AKR1B15: variants seen among roughly 807,000 people sequenced by gnomAD.
The protein encoded by AKR1B15 is estradiol 17-beta-dehydrogenase AKR1B15.
In AKR1B15, 49 loss-of-function variants were observed where a neutral mutation model predicts 38.5. That is an observed-to-expected ratio of 1.27 (90% CI 1.01 to 1.62). AKR1B15 has a LOEUF of 1.62. Among genes scored for constraint, AKR1B15 ranks in the 40% most tolerant of loss-of-function variants. The probability of loss-of-function intolerance (pLI) is 0.00; values close to 1 mark genes in which losing one functional copy is unlikely to be tolerated. For synonymous variants in AKR1B15, 137 were observed against 135.5 expected (o/e 1.01, Z -0.08); for missense variants, 411 against 381.6 (o/e 1.08, Z -0.64).
chr7:134,563,525 G>A (rs1409978422), intron 2 of AKR1B15, among the ~76,000 whole-genome samples: 1 of 152,168 alleles, frequency 6.6e-6, no homozygotes, highest in Non-Finnish European at 1.5e-5. Flanking sequence ...TCCAGCCTGG[G>A]CATCAGAGCA....
chr7:134,565,383 A>T (rs1224090682), intron 3 of AKR1B15: 1 of 1,589,380 alleles, frequency 6.3e-7, no homozygotes, highest in Non-Finnish European at 8.6e-7. Context: ...TCATTCTTGA[A>T]GCCAGCGAGA....
rs754743243 is a variant in AKR1B15 at position 134,579,566 on chromosome 7, G to T, written c.*17G>T. 2 of 1,585,578 alleles carry T rather than the reference G, an allele frequency of 1.3e-6. No individual in the cohort carries two copies. Among genetic ancestry groups the T allele is most frequent in the East Asian group, 2.2e-5 (1 of 44,532 alleles). On this transcript the variant is annotated 3_prime_UTR_variant, in exon 12 of 12. Transcript: ENST00000457545. ...GAATATTGAGGTTGAATCTCCTGGT[G>T]AGATTACACAGGGGATTCTCTTTCT...
rs1794590587 is a variant in AKR1B15 at position 134,568,382 on chromosome 7, G to T, written c.318+57G>T. On this transcript the variant is annotated intron_variant, in intron 4 of 11. Coordinates refer to ENST00000457545, the MANE Select transcript of AKR1B15 (RefSeq NM_001080538.3). ...ACTTCAAGGCAGGCAGAAGTATCTG[G>T]ATCGGGTGGGCAGCAAGAACTCTGT... The T allele has an allele frequency of 3.1e-6, 5 of 1,597,352 alleles. No homozygotes were observed. The African/African-American group carries it at 5.4e-5, about 17-fold the overall frequency.
chr7:134,577,339 T>C (rs549961670), intron 10 of AKR1B15, among the ~76,000 whole-genome samples: 50 of 152,250 alleles, frequency 3.3e-4, no homozygotes, highest in Non-Finnish European at 5.6e-4. Flanking sequence ...CCCTAGGCCA[T>C]ACACAAGAGC....
intron 1 of AKR1B15, among the ~76,000 whole-genome samples, chr7:134,549,508 A>T (rs1463436931): frequency 1.3e-5 from 2 of 152,164 alleles, no homozygotes; most frequent in African/African-American, 4.8e-5. Flanking sequence ...GTGGAGTTCA[A>T]GGGCTTGCGC....
chr7:134,566,511 T>C (rs1794538793), intron 3 of AKR1B15, among the ~76,000 whole-genome samples: 1 of 152,188 alleles, frequency 6.6e-6, no homozygotes. Flanking sequence ...GAGGACTCAG[T>C]GAGGCAGGTT....
At chr7:134,569,724 T>C in intron 5 of AKR1B15, 195 bp downstream of exon 5, 1 of 550,368 alleles carries the variant, frequency 1.8e-6, no homozygotes, top group Non-Finnish European at 3.2e-6. Context: ...TGAACATAAA[T>C]TGTGAAGATT....
intron 2 of AKR1B15, among the ~76,000 whole-genome samples, chr7:134,563,803 G>A (rs139169860): frequency 1.5e-3 from 227 of 152,152 alleles, no homozygotes; most frequent in African/African-American, 5.3e-3. Context: ...TTCTCCAATG[G>A]GAAAACAGAA....
At chr7:134,559,582 G>C (rs1794321005) in intron 2 of AKR1B15, among the ~76,000 whole-genome samples, 1 of 152,184 alleles carries the variant, frequency 6.6e-6, no homozygotes, top group Non-Finnish European at 1.5e-5. Flanking sequence ...AGAAATGAAT[G>C]TGACAATGAA....
intron 2 of AKR1B15, among the ~76,000 whole-genome samples, chr7:134,564,366 T>G (rs1264531634): frequency 6.6e-6 from 1 of 152,182 alleles, no homozygotes; most frequent in East Asian, 1.9e-4. Flanking sequence ...TGCATCTTTT[T>G]AGGGGAAGAG....
At chr7:134,564,480 A>G (rs1794488326) in intron 2 of AKR1B15, 118 bp from the exon 3 acceptor site, 2 of 489,720 alleles carry the variant, frequency 4.1e-6, no homozygotes, top group South Asian at 6.6e-5. Context: ...TCTTACACCA[A>G]CCTCTGGAGT....
intron 2 of AKR1B15, among the ~76,000 whole-genome samples, chr7:134,561,918 G>T (rs112353354): frequency 6.9e-4 from 105 of 152,276 alleles, no homozygotes; most frequent in African/African-American, 2.5e-3. Context: ...CTCCTCCCTA[G>T]ACTCCATTTC....
intron 2 of AKR1B15, among the ~76,000 whole-genome samples, chr7:134,562,368 A>C (rs1338012933): frequency 6.6e-6 from 1 of 152,066 alleles, no homozygotes; most frequent in Non-Finnish European, 1.5e-5. Flanking sequence ...ACCAGCTTTA[A>C]TTCCCTTATT....
At chr7:134,558,385 A>G (rs1330471298) in intron 2 of AKR1B15, among the ~76,000 whole-genome samples, 1 of 152,172 alleles carries the variant, frequency 6.6e-6, no homozygotes, top group Non-Finnish European at 1.5e-5. Flanking sequence ...CTCACGTGCA[A>G]CCTCCAGTAA....
intron 6 of AKR1B15, among the ~76,000 whole-genome samples, chr7:134,573,963 G>A (rs1794712958): frequency 6.6e-6 from 1 of 152,192 alleles, no homozygotes; most frequent in African/African-American, 2.4e-5. Context: ...ACAATGGCAT[G>A]ATCATAGCTC....
At chr7:134,560,315 C>T (rs578242249) in intron 2 of AKR1B15, among the ~76,000 whole-genome samples, 5 of 152,170 alleles carry the variant, frequency 3.3e-5, no homozygotes, top group South Asian at 2.1e-4. Context: ...TCATGGAAAA[C>T]GGAAAACACA....
chr7:134,565,335 T>G (rs1406136221), intron 3 of AKR1B15: 2 of 1,326,834 alleles, frequency 1.5e-6, no homozygotes, highest in Non-Finnish European at 2.1e-6. Flanking sequence ...ACACAACATC[T>G]TTAACAGCTG....
intron 1 of AKR1B15, among the ~76,000 whole-genome samples, chr7:134,552,903 T>C (rs918045431): frequency 6.6e-6 from 1 of 152,124 alleles, no homozygotes; most frequent in African/African-American, 2.4e-5. Flanking sequence ...TCTTTTACCA[T>C]TCTGAGCCAG....
At chr7:134,559,048 C>A (rs1317891096) in intron 2 of AKR1B15, among the ~76,000 whole-genome samples, 1 of 152,218 alleles carries the variant, frequency 6.6e-6, no homozygotes, top group Admixed American at 6.5e-5. Context: ...GAATCATGAA[C>A]TGTCACTCCA....
Sources: gnomAD v4.1 joint callset for allele counts (sites outside exome capture counted in the v4.1 genomes callset) on GRCh38, gnomAD v4.1.1 for gene constraint, MANE v1.5 for transcripts, NCBI Gene and HGNC (gene_info 2026-07-23, HGNC 2026-07-21) for gene names.